The following CPA6 variants were observed in gnomAD, a reference collection of about 807,000 sequenced individuals.
The protein encoded by CPA6 is carboxypeptidase B.
In CPA6, 58 loss-of-function variants were observed where a neutral mutation model predicts 63.3. That is an observed-to-expected ratio of 0.92 (90% CI 0.74 to 1.14). The LOEUF (loss-of-function observed/expected upper bound fraction) is 1.14, where lower values mean the gene tolerates loss of function less well. Ranked by LOEUF, CPA6 falls within the 50% of genes most tolerant of loss-of-function variation. The pLI, the probability that CPA6 is intolerant of heterozygous loss-of-function variation, is 0.00. For synonymous variants in CPA6, 185 were observed against 179.0 expected, an observed-to-expected ratio of 1.03 and a Z score of -0.27; for missense variants, 565 against 526.6, an observed-to-expected ratio of 1.07 and a Z score of -0.71.
At chr8:67,616,616 C>T (rs1426049855) in intron 2 of CPA6, among the ~76,000 whole-genome samples, 1 of 150,866 alleles carries the variant, frequency 6.6e-6, no homozygotes, top group African/African-American at 2.4e-5. Flanking sequence ...CTCTCTTGTA[C>T]ATACCTTACC....
chr8:67,430,738 G>T (rs1810008623), intron 9 of CPA6, among the ~76,000 whole-genome samples: 1 of 152,156 alleles, frequency 6.6e-6, no homozygotes, highest in African/African-American at 2.4e-5. Context: ...GCACTGCAGG[G>T]TGTTTAGCAC....
intron 1 of CPA6, among the ~76,000 whole-genome samples, chr8:67,713,638 G>T (rs551966411): frequency 2.0e-5 from 3 of 151,270 alleles, no homozygotes; most frequent in Non-Finnish European, 4.4e-5. Flanking sequence ...GTTTATAGGC[G>T]GCCTGGGAAT....
chr8:67,689,635 A>G (rs563995172), intron 1 of CPA6, among the ~76,000 whole-genome samples: 1 of 152,360 alleles, frequency 6.6e-6, no homozygotes, highest in South Asian at 2.1e-4. Flanking sequence ...ATAGTATTCC[A>G]TGGTATATAT....
At chr8:67,671,490 C>G (rs1285226449) in intron 1 of CPA6, among the ~76,000 whole-genome samples, 2 of 151,972 alleles carry the variant, frequency 1.3e-5, no homozygotes, top group Admixed American at 1.3e-4. Context: ...GCTGAGATAC[C>G]TAAGCTATAA....
intron 2 of CPA6, among the ~76,000 whole-genome samples, chr8:67,600,428 A>G (rs909497922): frequency 2.0e-5 from 3 of 152,186 alleles, no homozygotes; most frequent in African/African-American, 7.2e-5. Flanking sequence ...GAAATAGTTC[A>G]AAAGATCTAT....
chr8:67,458,198 CT>C (rs56706322), intron 8 of CPA6, among the ~76,000 whole-genome samples: 3 of 151,890 alleles, frequency 2.0e-5, no homozygotes, highest in Non-Finnish European at 4.4e-5. Flanking sequence ...ATGGCGATCA[CT>C]TTATTTATTT....
chr8:67,558,777 T>C (rs149490054), intron 2 of CPA6, among the ~76,000 whole-genome samples: 1 of 152,306 alleles, frequency 6.6e-6, no homozygotes, highest in Non-Finnish European at 1.5e-5. Flanking sequence ...CAAATGCACA[T>C]CACAAATCTT....
chr8:67,699,429 T>C (rs1040382640), intron 1 of CPA6, among the ~76,000 whole-genome samples: 1 of 151,510 alleles, frequency 6.6e-6, no homozygotes, highest in African/African-American at 2.4e-5. Flanking sequence ...CCAGACTCTG[T>C]CTCAAAACAA....
intron 2 of CPA6, among the ~76,000 whole-genome samples, chr8:67,536,181 T>C (rs988514873): frequency 2.0e-5 from 3 of 152,206 alleles, no homozygotes; most frequent in African/African-American, 7.2e-5. Flanking sequence ...TTGTGTGGGC[T>C]CTTTTTTGGT....
intron 1 of CPA6, among the ~76,000 whole-genome samples, chr8:67,683,157 G>A (rs1023709807): frequency 6.6e-6 from 1 of 152,162 alleles, no homozygotes; most frequent in South Asian, 2.1e-4. Flanking sequence ...CCCCCTGTGG[G>A]ATCACTGTCC....
chr8:67,712,847 G>C (rs1038908656), intron 1 of CPA6, among the ~76,000 whole-genome samples: 13 of 151,558 alleles, frequency 8.6e-5, no homozygotes, highest in African/African-American at 3.1e-4. Flanking sequence ...CCTTCGTCCA[G>C]CATCCCCACA....
At chr8:67,726,343 C>T (rs1817595442) in intron 1 of CPA6, among the ~76,000 whole-genome samples, 1 of 152,136 alleles carries the variant, frequency 6.6e-6, no homozygotes, top group Non-Finnish European at 1.5e-5. Flanking sequence ...GACAAACTTT[C>T]CTTTCAATCC....
At position 67,716,636 on chromosome 8, in the gene CPA6, G is replaced by T. The variant is rs572287349; in HGVS notation, c.116+29378C>A. Among the ~76,000 whole-genome samples the T allele has an allele frequency of 5.9e-5, 9 of 152,322 alleles. No individual in the cohort carries two copies. In the South Asian group the frequency reaches 1.7e-3, roughly 28 times the overall value. Reference sequence around the variant, plus strand: ...TGATTTCTGTCTGTCCTTTGCCCATGAGGAATTTCCTTGTAGGCAAATTGA... The same window carrying T: ...TGATTTCTGTCTGTCCTTTGCCCATTAGGAATTTCCTTGTAGGCAAATTGA... On this transcript the variant is annotated intron_variant, in intron 1 of 10. Coordinates refer to ENST00000297770, the MANE Select transcript of CPA6 (RefSeq NM_020361.5).
In CPA6 at chr8:67,705,109, C is replaced by T. The variant is rs191341316; in HGVS notation, c.116+40905G>A. 5.9e-3 allele frequency among the ~76,000 whole-genome samples: 902 copies of T among 152,280 alleles called. 5 individuals are homozygous for T. Among genetic ancestry groups the T allele is most frequent in the Middle Eastern group, 0.02 (6 of 294 alleles). ...CCCAGAATACCCTCCCAGGTAACTG[C>T]CATTGGTGTGGGAAGCCAGGCCATT... On this transcript the variant is annotated intron_variant, in intron 1 of 10. Transcript: ENST00000297770.
chr8:67,559,272 C>T (rs1192263213), intron 2 of CPA6, among the ~76,000 whole-genome samples: 1 of 152,150 alleles, frequency 6.6e-6, no homozygotes, highest in Non-Finnish European at 1.5e-5. Flanking sequence ...TTTATCTAGA[C>T]TGTTCAGGGA....
At chr8:67,501,725 C>T (rs1811833417) in intron 6 of CPA6, among the ~76,000 whole-genome samples, 1 of 152,094 alleles carries the variant, frequency 6.6e-6, no homozygotes, top group Non-Finnish European at 1.5e-5. Context: ...TTTTCATGTG[C>T]TGCCTCTAGT....
At position 67,737,450 on chromosome 8, in the gene CPA6, T is replaced by A. The variant is rs546094332; in HGVS notation, c.116+8564A>T. Among the ~76,000 whole-genome samples, 48 of 152,344 alleles carry A rather than the reference T, an allele frequency of 3.2e-4. 1 individual carries two copies. The highest frequency in any genetic ancestry group is 3.4e-3 in the Middle Eastern group (1 of 294). On this transcript the variant is annotated intron_variant, in intron 1 of 10. Transcript: ENST00000297770. ...TAATAAACCACTCAAATGTGTTTTT[T>A]TTCCCCCCTTTGCAATCGTCACATC...
chr8:67,467,945 C>A (rs530117542), intron 8 of CPA6, among the ~76,000 whole-genome samples: 7 of 149,186 alleles, frequency 4.7e-5, no homozygotes, highest in African/African-American at 1.7e-4. Context: ...GTAATCCCAG[C>A]TACTTGGGAG....
At chr8:67,635,792 A>C (rs556191342) in intron 1 of CPA6, among the ~76,000 whole-genome samples, 9 of 151,698 alleles carry the variant, frequency 5.9e-5, no homozygotes, top group Non-Finnish European at 8.8e-5. Flanking sequence ...AATGTCAGAG[A>C]AAGTCCTGTA....
Sources: allele counts gnomAD v4.1 joint callset (sites outside exome capture counted in the v4.1 genomes callset), GRCh38; gene constraint gnomAD v4.1.1; transcripts MANE v1.5; gene names NCBI Gene and HGNC (gene_info 2026-07-23, HGNC 2026-07-21).